The following ZC3H6 variants were observed in gnomAD, a reference collection of about 807,000 sequenced individuals.
ZC3H6 encodes zinc finger CCCH domain-containing protein 6.
ZC3H6 carries 40 observed loss-of-function variants against 107.7 expected under a neutral mutation model. The observed-to-expected ratio is 0.37, with a 90% CI of 0.29 to 0.48. ZC3H6 has a LOEUF of 0.48. Among genes scored for constraint, ZC3H6 ranks in the 20% least tolerant of loss-of-function variants. ZC3H6 has a pLI of 0.98. For synonymous variants in ZC3H6, 493 were observed against 487.9 expected, an observed-to-expected ratio of 1.01 and a Z score of -0.14; for missense variants, 1,267 against 1,410.4, an observed-to-expected ratio of 0.90 and a Z score of 1.63.
chr2:112,276,542 T>C (rs985465996), intron 1 of ZC3H6, among the ~76,000 whole-genome samples: 1 of 152,152 alleles, frequency 6.6e-6, no homozygotes, highest in African/African-American at 2.4e-5. Context: ...TCCCTTGGAA[T>C]TTGAGATGGC....
chr2:112,295,650 T>G, intron 1 of ZC3H6, among the ~76,000 whole-genome samples: 1 of 152,180 alleles, frequency 6.6e-6, no homozygotes, highest in East Asian at 1.9e-4. Context: ...TGTGAATTAT[T>G]TTTCTCTATT....
rs1222525541 is a variant in ZC3H6 at position 112,335,321 on chromosome 2, G to A, written c.*2833G>A. Reference sequence around the variant, plus strand: ...CGCTTATGTTTCTGTTTATCCTTTAGCCATGGAACTTTAAAGAGTAGTGTT... The same window carrying A: ...CGCTTATGTTTCTGTTTATCCTTTAACCATGGAACTTTAAAGAGTAGTGTT... On this transcript the variant is annotated 3_prime_UTR_variant, in exon 12 of 12. Coordinates refer to ENST00000409871, the MANE Select transcript of ZC3H6 (RefSeq NM_198581.3). 6.6e-6 allele frequency: 1 copy of A among 152,132 alleles called. No homozygotes were observed. The highest frequency in any genetic ancestry group is 1.5e-5 in the Non-Finnish European group (1 of 68,016). 9.4% of individuals were successfully genotyped at this position (152,132 alleles called of 1,614,324 possible).
At position 112,300,019 on chromosome 2, in the gene ZC3H6, A is replaced by C; in HGVS notation, c.203A>C (p.Glu68Ala). The C allele has an allele frequency of 6.8e-7, 1 of 1,460,104 alleles. No homozygotes were observed. Among genetic ancestry groups the C allele is most frequent in the Non-Finnish European group, 9.0e-7 (1 of 1,107,222 alleles). 90.4% of individuals were successfully genotyped at this position (1,460,104 alleles called of 1,614,324 possible). Residue 68 changes from glutamate to alanine, a missense_variant, in exon 2 of 12, where the codon GAG becomes GCG. Physicochemically the swap from Glu to Ala is moderately radical, Grantham distance 107. This residue lies in a region of ZC3H6 where 337 missense variants were observed against 361.2 expected (regional missense o/e 0.93). Transcript: ENST00000409871. ...EKKKSKRRKR[E>A]KHKHNSPSSD... ...AAAAAATCCAAAAGGAGAAAACGTG[A>C]GAAACATAAGGTTAGTTAGAATCTA... is the stretch of plus-strand genomic sequence containing the variant.
chr2:112,329,553 A>G (rs1030915260), intron 11 of ZC3H6, among the ~76,000 whole-genome samples: 4 of 152,214 alleles, frequency 2.6e-5, no homozygotes, highest in African/African-American at 9.7e-5. Flanking sequence ...CAATTGTGAC[A>G]TACCATATGC....
At chr2:112,306,228 A>G (rs4258804) in intron 3 of ZC3H6, among the ~76,000 whole-genome samples, 75,789 of 148,974 alleles carry the variant, frequency 0.51, 21,368 homozygotes, top group East Asian at 0.76. Context: ...GCTGGAGTGC[A>G]GTGGCGTGAT....
At chr2:112,320,699 A>G (rs1338923114) in intron 7 of ZC3H6, among the ~76,000 whole-genome samples, 3 of 152,094 alleles carry the variant, frequency 2.0e-5, no homozygotes, top group East Asian at 1.9e-4. Context: ...CTTTCCATCT[A>G]TTCTTATGGG....
chr2:112,320,488 G>A (rs10191002), intron 7 of ZC3H6, among the ~76,000 whole-genome samples: 77,439 of 151,846 alleles, frequency 0.51, 21,921 homozygotes, highest in East Asian at 0.77. Flanking sequence ...ATTCACCTCT[G>A]TAAGAGTATG....
In ZC3H6 at chr2:112,303,251, A is replaced by G. The variant is rs752784903; in HGVS notation, c.236A>G (p.Asp79Gly). ...KHKHNSPSSD[D>G]SSDYSLDSDV... ...CAGCATAATTCCCCATCTAGTGATGATAGTTCGGACTACAGCCTTGATTCA... is the reference window on the plus strand; with the variant it reads ...CAGCATAATTCCCCATCTAGTGATGGTAGTTCGGACTACAGCCTTGATTCA... The change falls in exon 3 of 12, where the codon GAT (aspartate) becomes GGT (glycine). Residue 79 changes from aspartate (D) to glycine (G), a missense_variant. Physicochemically the swap from Asp to Gly is moderately conservative, Grantham distance 94. Around this residue, in one of 3 missense-constraint regions of ZC3H6, gnomAD observed 337 missense variants for 361.2 expected, o/e 0.93. Coordinates refer to ENST00000409871, the MANE Select transcript of ZC3H6 (RefSeq NM_198581.3). 9.3e-6 allele frequency: 15 copies of G among 1,612,206 alleles called. No homozygotes were observed. In the South Asian group the frequency reaches 1.2e-4, roughly 13 times the overall value.
At position 112,312,938 on chromosome 2, in the gene ZC3H6, T is replaced by G. The variant is rs138251752; in HGVS notation, c.747+1001T>G. Among the ~76,000 whole-genome samples the G allele has an allele frequency of 2.7e-3, 406 of 152,136 alleles. 4 individuals are homozygous for G. The highest frequency in any genetic ancestry group is 9.2e-3 in the African/African-American group (381 of 41,484). On this transcript the variant is annotated intron_variant, in intron 5 of 11. Transcript: ENST00000409871. ...CTATATACTATAATTTGAAAATGCTTGGTTTTCTGATCTCTCAGTTTAAAG... is the reference window on the plus strand; with the variant it reads ...CTATATACTATAATTTGAAAATGCTGGGTTTTCTGATCTCTCAGTTTAAAG...
At chr2:112,289,398 C>T (rs1045645196) in intron 1 of ZC3H6, among the ~76,000 whole-genome samples, 1 of 148,386 alleles carries the variant, frequency 6.7e-6, no homozygotes, top group Non-Finnish European at 1.5e-5. Flanking sequence ...GATCTTGGCT[C>T]ACTACAAGCT....
intron 8 of ZC3H6, among the ~76,000 whole-genome samples, chr2:112,322,215 CTT>C (rs1676815958): frequency 6.7e-6 from 1 of 148,740 alleles, no homozygotes; most frequent in Non-Finnish European, 1.5e-5. Flanking sequence ...CTCTCTGTCT[CTT>C]TTCTTTTCTT....
At chr2:112,323,533 ATAT>A (rs1345622088) in intron 9 of ZC3H6, among the ~76,000 whole-genome samples, 1 of 152,212 alleles carries the variant, frequency 6.6e-6, no homozygotes, top group East Asian at 1.9e-4. Flanking sequence ...TATTTTGGTA[ATAT>A]TATATATTGT....
At chr2:112,323,248 A>G (rs1332427711) in intron 9 of ZC3H6, among the ~76,000 whole-genome samples, 1 of 152,174 alleles carries the variant, frequency 6.6e-6, no homozygotes, top group East Asian at 1.9e-4. Flanking sequence ...CACATATTTG[A>G]TTATTTTGAA....
chr2:112,304,393 A>G (rs1676437992), intron 3 of ZC3H6, among the ~76,000 whole-genome samples: 1 of 152,212 alleles, frequency 6.6e-6, no homozygotes, highest in African/African-American at 2.4e-5. Context: ...TAGAAGCCCC[A>G]GATCAAGGTG....
intron 11 of ZC3H6, among the ~76,000 whole-genome samples, chr2:112,330,214 G>A (rs1452536527): frequency 5.3e-5 from 8 of 151,866 alleles, no homozygotes; most frequent in African/African-American, 1.7e-4. Context: ...CACCGTGCAC[G>A]GCTAATTTTT....
intron 5 of ZC3H6, among the ~76,000 whole-genome samples, chr2:112,313,017 T>C (rs1291329748): frequency 6.6e-6 from 1 of 152,158 alleles, no homozygotes; most frequent in Admixed American, 6.5e-5. Context: ...TTTCAGGAGA[T>C]GTTAACAGGT....
rs1188417092 is a variant in ZC3H6 at position 112,317,224 on chromosome 2, G to C, written c.868G>C (p.Asp290His). The change falls in exon 7 of 12, where the codon GAT becomes CAT. Residue 290 changes from aspartate to histidine, a missense_variant. Asp to His is a moderately conservative substitution (Grantham distance 81, BLOSUM62 -1). Coordinates refer to ENST00000409871, the MANE Select transcript of ZC3H6 (RefSeq NM_198581.3). ...YFLEGRCIKG[D>H]QCKFDHDAEL... is the part of the protein sequence containing the mutation. ...TTTTTTTTTTTTTTGTGAATAGGGA[G>C]ATCAGTGTAAATTTGATCATGATGC... 2 of 1,416,944 alleles carry C rather than the reference G, an allele frequency of 1.4e-6. No homozygotes were observed. The highest frequency in any genetic ancestry group is 9.3e-7 in the Non-Finnish European group (1 of 1,071,412). The allele number at this position is 1,416,944 out of a possible 1,614,324, so 87.8% of individuals were successfully genotyped here. A position where few individuals can be genotyped will look rare whatever the true frequency, so the allele number is the denominator to read the frequency against.
intron 1 of ZC3H6, among the ~76,000 whole-genome samples, chr2:112,291,919 T>C (rs968338771): frequency 5.3e-5 from 8 of 152,088 alleles, no homozygotes; most frequent in African/African-American, 1.9e-4. Context: ...GGGTTCACCA[T>C]GTTGACCAGG....
In ZC3H6 at chr2:112,336,430, T is replaced by C. The variant is rs775125064; in HGVS notation, c.*3942T>C. On this transcript the variant is annotated 3_prime_UTR_variant, in exon 12 of 12. Transcript: ENST00000409871. ...ATGGTTTGGCAGCACTTGATGACAT[T>C]ATGTTCAAAATTAAGTCCAGTAAAA... is the stretch of plus-strand genomic sequence containing the variant. 1 of 152,232 alleles carries C rather than the reference T, an allele frequency of 6.6e-6. No homozygotes were observed. The highest frequency in any genetic ancestry group is 1.5e-5 in the Non-Finnish European group (1 of 68,038). The allele number at this position is 152,232 out of a possible 1,614,324, so 9.4% of individuals were successfully genotyped here.
Sources: allele counts gnomAD v4.1 joint callset (sites outside exome capture counted in the v4.1 genomes callset), GRCh38; gene constraint gnomAD v4.1.1; regional missense constraint gnomAD v4.1.1; transcripts MANE v1.5; gene names NCBI Gene and HGNC (gene_info 2026-07-23, HGNC 2026-07-21).